Variants in SLC4A10 observed in about 807,000 individuals in gnomAD.
The protein encoded by SLC4A10 is sodium-driven chloride bicarbonate exchanger.
A neutral mutation model predicts 137.7 loss-of-function variants in SLC4A10; 42 were observed. The observed-to-expected ratio is 0.30, with a 90% CI of 0.24 to 0.39. SLC4A10 has a LOEUF of 0.39. Among genes scored for constraint, SLC4A10 ranks in the 10% least tolerant of loss-of-function variants. SLC4A10 has a pLI of 1.00. For missense variants in SLC4A10, 925 were observed against 1,355.0 expected (o/e 0.68, Z 4.98); for synonymous variants, 474 against 464.1 (o/e 1.02, Z -0.27).
intron 15 of SLC4A10, among the ~76,000 whole-genome samples, chr2:161,940,562 A>G (rs1692494117): frequency 6.6e-6 from 1 of 152,218 alleles, no homozygotes; most frequent in African/African-American, 2.4e-5. Flanking sequence ...GCCGCGCGTC[A>G]GAGATTTTCC....
chr2:161,761,047 A>G (rs564761211), intron 1 of SLC4A10, among the ~76,000 whole-genome samples: 1 of 152,206 alleles, frequency 6.6e-6, no homozygotes, highest in Non-Finnish European at 1.5e-5. Flanking sequence ...AACCTACTAC[A>G]TGCCAGGCAA....
chr2:161,794,408 A>G (rs1036830434), intron 2 of SLC4A10, among the ~76,000 whole-genome samples: 1 of 152,118 alleles, frequency 6.6e-6, no homozygotes, highest in African/African-American at 2.4e-5. Context: ...TACAAATAAT[A>G]ATAATGATAG....
chr2:161,646,016 A>T (rs925492303), intron 1 of SLC4A10, among the ~76,000 whole-genome samples: 9 of 152,190 alleles, frequency 5.9e-5, no homozygotes, highest in South Asian at 4.1e-4. Flanking sequence ...ATATTTTTAA[A>T]AAAGTTTGAC....
At chr2:161,884,622 C>A (rs2062079284) in intron 10 of SLC4A10, among the ~76,000 whole-genome samples, 1 of 151,984 alleles carries the variant, frequency 6.6e-6, no homozygotes, top group African/African-American at 2.4e-5. Context: ...TCTATTTTTT[C>A]AATTATTTAG....
chr2:161,838,660 G>A (rs1222699895), intron 3 of SLC4A10, among the ~76,000 whole-genome samples: 2 of 152,102 alleles, frequency 1.3e-5, no homozygotes, highest in Non-Finnish European at 2.9e-5. Flanking sequence ...ATAAAAATAA[G>A]CAAAATGTTT....
chr2:161,698,903 C>G (rs1306402338), intron 1 of SLC4A10, among the ~76,000 whole-genome samples: 1 of 152,080 alleles, frequency 6.6e-6, no homozygotes, highest in Non-Finnish European at 1.5e-5. Flanking sequence ...CTCCTTGTAC[C>G]TCTGGTAGAA....
At chr2:161,742,396 A>C (rs2047982379) in intron 1 of SLC4A10, among the ~76,000 whole-genome samples, 2 of 147,912 alleles carry the variant, frequency 1.4e-5, no homozygotes, top group Admixed American at 1.3e-4. Context: ...GGAAACCTGC[A>C]TACGGTTCTC....
chr2:161,718,120 G>A (rs2045162439), intron 1 of SLC4A10, among the ~76,000 whole-genome samples: 1 of 151,876 alleles, frequency 6.6e-6, no homozygotes, highest in African/African-American at 2.4e-5. Flanking sequence ...TTCTCTGATG[G>A]TTGTTTGTAT....
intron 1 of SLC4A10, among the ~76,000 whole-genome samples, chr2:161,724,277 A>C (rs2045993206): frequency 1.3e-5 from 2 of 152,164 alleles, no homozygotes; most frequent in African/African-American, 4.8e-5. Flanking sequence ...TGCCTACTTA[A>C]ACTCATTGAA....
At chr2:161,910,590 G>A (rs549053485) in intron 15 of SLC4A10, among the ~76,000 whole-genome samples, 2 of 152,172 alleles carry the variant, frequency 1.3e-5, no homozygotes, top group East Asian at 3.9e-4. Flanking sequence ...TTTTGTAATC[G>A]ATTGGGTCAA....
intron 2 of SLC4A10, among the ~76,000 whole-genome samples, chr2:161,786,873 A>G (rs2053683932): frequency 6.8e-6 from 1 of 147,056 alleles, no homozygotes; most frequent in Admixed American, 6.9e-5. Context: ...GTTCAAAGTT[A>G]ATATTGACAT....
At chr2:161,707,179 T>C (rs2043766395) in intron 1 of SLC4A10, among the ~76,000 whole-genome samples, 3 of 151,538 alleles carry the variant, frequency 2.0e-5, no homozygotes, top group Admixed American at 2.0e-4. Context: ...AGATGTGTTA[T>C]AGTATACATA....
intron 1 of SLC4A10, among the ~76,000 whole-genome samples, chr2:161,654,120 T>C (rs1293503506): frequency 6.6e-6 from 1 of 152,228 alleles, no homozygotes; most frequent in African/African-American, 2.4e-5. Context: ...TTTGCATTTC[T>C]CTGATGATTA....
chr2:161,899,428 C>A (rs1320813815), intron 11 of SLC4A10, among the ~76,000 whole-genome samples: 1 of 152,024 alleles, frequency 6.6e-6, no homozygotes, highest in Admixed American at 6.6e-5. Flanking sequence ...GAGGCTTTTG[C>A]CCCTACCATT....
intron 11 of SLC4A10, among the ~76,000 whole-genome samples, chr2:161,899,177 A>G (rs1487270998): frequency 6.6e-6 from 1 of 151,010 alleles, no homozygotes; most frequent in Non-Finnish European, 1.5e-5. Context: ...CAAGAGCACA[A>G]CTCTACCAAT....
chr2:161,722,032 A>C (rs2045737952), intron 1 of SLC4A10, among the ~76,000 whole-genome samples: 1 of 152,190 alleles, frequency 6.6e-6, no homozygotes. Flanking sequence ...TTTCACCTCC[A>C]TCAGGTCATT....
At chr2:161,766,527 GA>G (rs1487996365) in intron 1 of SLC4A10, among the ~76,000 whole-genome samples, 1 of 152,080 alleles carries the variant, frequency 6.6e-6, no homozygotes, top group Non-Finnish European at 1.5e-5. Flanking sequence ...TGCTTGTTTT[GA>G]CCTTTGAACA....
At chr2:161,761,938 C>G (rs1199125087) in intron 1 of SLC4A10, among the ~76,000 whole-genome samples, 34 of 152,104 alleles carry the variant, frequency 2.2e-4, no homozygotes, top group Admixed American at 2.2e-3. Flanking sequence ...GTAAATTAAA[C>G]ACTATTCCTA....
At chr2:161,756,909 GTTATT>G (rs1439119685) in intron 1 of SLC4A10, among the ~76,000 whole-genome samples, 1 of 152,126 alleles carries the variant, frequency 6.6e-6, no homozygotes, top group African/African-American at 2.4e-5. Context: ...GATCTGGAAT[GTTATT>G]TTGTCTATTT....
Sources: allele counts gnomAD v4.1 joint callset (sites outside exome capture counted in the v4.1 genomes callset), GRCh38; gene constraint gnomAD v4.1.1; transcripts MANE v1.5; gene names NCBI Gene and HGNC (gene_info 2026-07-23, HGNC 2026-07-21).